The following LVRN variants were observed in gnomAD, a reference collection of about 807,000 sequenced individuals.
The protein encoded by LVRN is aminopeptidase Q.
LVRN carries 99 observed loss-of-function variants against 111.4 expected under a neutral mutation model. The ratio of observed to expected loss-of-function variants is 0.89; its 90% CI spans 0.76 to 1.05. LVRN has a LOEUF of 1.05. LVRN is among the 50% of genes least tolerant of loss of function. The pLI is 0.00. For missense variants in LVRN, 1,414 were observed against 1,206.8 expected (o/e 1.17, Z -2.54); for synonymous variants, 488 against 449.5 (o/e 1.09, Z -1.08).
intron 18 of LVRN, 107 bp downstream of exon 18, chr5:116,015,872 A>T: frequency 7.3e-7 from 1 of 1,366,786 alleles, no homozygotes. Context: ...CTAGGCCACA[A>T]ACGTCCTTTG....
chr5:115,989,967 T>C (rs1244285491), intron 4 of LVRN, among the ~76,000 whole-genome samples: 1 of 152,148 alleles, frequency 6.6e-6, no homozygotes, highest in African/African-American at 2.4e-5. Context: ...TATGCCATAC[T>C]CTTACCCTCC....
intron 1 of LVRN, among the ~76,000 whole-genome samples, chr5:115,973,585 G>C (rs1172921494): frequency 6.6e-6 from 1 of 152,166 alleles, no homozygotes; most frequent in East Asian, 1.9e-4. Flanking sequence ...TTATCTAATA[G>C]ATACAGGGCT....
intron 18 of LVRN, among the ~76,000 whole-genome samples, chr5:116,019,536 T>C (rs1190166123): frequency 6.6e-6 from 1 of 152,250 alleles, no homozygotes; most frequent in Non-Finnish European, 1.5e-5. Flanking sequence ...ACAGAATACT[T>C]TCATCCTTCC....
intron 1 of LVRN, among the ~76,000 whole-genome samples, chr5:115,976,772 A>T (rs1269767833): frequency 1.3e-5 from 2 of 152,170 alleles, no homozygotes; most frequent in East Asian, 3.8e-4. Flanking sequence ...CTGACATTTA[A>T]ATTTTTATGT....
chr5:116,002,895 G>C lies in LVRN; in HGVS notation c.1881G>C (p.Trp627Cys), dbSNP rs148712715. Reference sequence around the variant, plus strand: ...ATGGAACTACACAACCTTTAGTCTGGCTAGATCAAAGCAGCAGTAAGTAAC... The same window carrying C: ...ATGGAACTACACAACCTTTAGTCTGCCTAGATCAAAGCAGCAGTAAGTAAC... ...IKNGTTQPLV[W>C]LDQSSKVFPE... The change falls in exon 11 of 20, where the codon TGG (tryptophan) becomes TGC (cysteine). Residue 627 changes from tryptophan (W) to cysteine (C), a missense_variant. Physicochemically the swap from Trp to Cys is radical, Grantham distance 215 (BLOSUM62 -2). Transcript: ENST00000357872. The C allele has an allele frequency of 5.0e-5, 80 of 1,607,976 alleles. No individual in the cohort carries two copies. The highest frequency in any genetic ancestry group is 6.0e-5 in the Non-Finnish European group (70 of 1,175,440).
At chr5:115,984,451 C>G in intron 2 of LVRN, 119 bp from the exon 3 acceptor site, 1 of 1,257,476 alleles carries the variant, frequency 8.0e-7, no homozygotes, top group South Asian at 1.5e-5. Context: ...ATCTGAACTG[C>G]TAGACTATGA....
chr5:116,010,094 C>G (rs1748454330), intron 13 of LVRN, among the ~76,000 whole-genome samples: 1 of 152,186 alleles, frequency 6.6e-6, no homozygotes, highest in Non-Finnish European at 1.5e-5. Context: ...CCACCCTGAT[C>G]AGTTAGCAGC....
At position 116,003,372 on chromosome 5, in the gene LVRN, G is replaced by C. The variant is rs1181043564; in HGVS notation, c.2029G>C (p.Asp677His). 1 of 1,446,988 alleles carries C rather than the reference G, an allele frequency of 6.9e-7. No homozygotes were observed. Among genetic ancestry groups the C allele is most frequent in the Non-Finnish European group, 9.4e-7 (1 of 1,067,092 alleles). The allele number at this position is 1,446,988 out of a possible 1,614,324, so 89.6% of individuals were successfully genotyped here. A position where few individuals can be genotyped will look rare whatever the true frequency, so the allele number is the denominator to read the frequency against. ...WKKLNQQLEK[D>H]PKAIPVIHRL... ...GAAACTAAATCAACAACTTGAAAAGGATCCTAAGGTAAGGTTACTTTTGAT... is the reference window on the plus strand; with the variant it reads ...GAAACTAAATCAACAACTTGAAAAGCATCCTAAGGTAAGGTTACTTTTGAT... The change falls in exon 12 of 20, where the codon GAT becomes CAT. Residue 677 changes from aspartate (D) to histidine (H), a missense_variant. Coordinates refer to ENST00000357872, the MANE Select transcript of LVRN (RefSeq NM_173800.5).
chr5:116,011,629 G>A (rs576901899), intron 14 of LVRN, among the ~76,000 whole-genome samples: 9 of 152,194 alleles, frequency 5.9e-5, no homozygotes, highest in African/African-American at 2.2e-4. Context: ...ACGTCTAACG[G>A]CCCCAGACTT....
chr5:115,984,501 G>C, intron 2 of LVRN, 69 bp from the exon 3 acceptor site: 1 of 1,558,334 alleles, frequency 6.4e-7, no homozygotes, highest in Non-Finnish European at 8.7e-7. Context: ...CAATTGACTT[G>C]ACAAATTATT....
intron 18 of LVRN, among the ~76,000 whole-genome samples, chr5:116,017,947 C>T (rs1159909881): frequency 6.6e-6 from 1 of 152,086 alleles, no homozygotes; most frequent in African/African-American, 2.4e-5. Context: ...ATGAAACACA[C>T]ATTAATGTTG....
chr5:115,992,543 C>T (rs115654189), intron 5 of LVRN, among the ~76,000 whole-genome samples: 3,398 of 152,208 alleles, frequency 0.022, 138 homozygotes, highest in African/African-American at 0.077. Context: ...CCACAAAGTC[C>T]TCTTCAGGAA....
At chr5:116,012,840 G>C (rs1229569238) in intron 15 of LVRN, among the ~76,000 whole-genome samples, 2 of 152,186 alleles carry the variant, frequency 1.3e-5, no homozygotes, top group Non-Finnish European at 2.9e-5. Context: ...GGTCCCATCT[G>C]TATTTTATTA....
At chr5:115,991,280 T>C (rs1293432935) in intron 4 of LVRN, among the ~76,000 whole-genome samples, 1 of 152,204 alleles carries the variant, frequency 6.6e-6, no homozygotes, top group Non-Finnish European at 1.5e-5. Flanking sequence ...CAGAATGTCA[T>C]ATAGTTGGAA....
At chr5:116,020,905 G>A (rs1481237838) in intron 18 of LVRN, 1 of 152,200 alleles carries the variant, frequency 6.6e-6, no homozygotes, top group African/African-American at 2.4e-5. Flanking sequence ...TTACTATATT[G>A]AGTCGTATTG....
intron 4 of LVRN, among the ~76,000 whole-genome samples, chr5:115,989,640 A>T (rs1300371784): frequency 6.6e-6 from 1 of 152,188 alleles, no homozygotes; most frequent in Non-Finnish European, 1.5e-5. Flanking sequence ...GGGATGGAGG[A>T]AATAAATACA....
intron 3 of LVRN, among the ~76,000 whole-genome samples, chr5:115,985,244 C>A (rs987903407): frequency 1.4e-4 from 22 of 152,030 alleles, no homozygotes; most frequent in Non-Finnish European, 2.2e-4. Flanking sequence ...ACAAAGCGAC[C>A]CCCAAATGCA....
intron 15 of LVRN, among the ~76,000 whole-genome samples, chr5:116,014,033 G>T (rs576458085): frequency 6.6e-6 from 1 of 152,226 alleles, no homozygotes; most frequent in East Asian, 1.9e-4. Flanking sequence ...TTATTTTAAA[G>T]TCTATTAGAT....
At chr5:115,966,128 A>T (rs77571290) in intron 1 of LVRN, among the ~76,000 whole-genome samples, 14 of 152,192 alleles carry the variant, frequency 9.2e-5, no homozygotes, top group African/African-American at 3.4e-4. Flanking sequence ...CATTTATCAT[A>T]TGCGTACATT....
Sources: gnomAD v4.1 joint callset for allele counts (sites outside exome capture counted in the v4.1 genomes callset) on GRCh38, gnomAD v4.1.1 for gene constraint, MANE v1.5 for transcripts, NCBI Gene and HGNC (gene_info 2026-07-23, HGNC 2026-07-21) for gene names.